RIMS1: variants seen among roughly 807,000 people sequenced by gnomAD.
RIMS1 encodes the protein regulating synaptic membrane exocytosis 1, also known as regulating synaptic membrane exocytosis protein 1.
In RIMS1, 83 loss-of-function variants were observed where a neutral mutation model predicts 214.1. The ratio of observed to expected loss-of-function variants is 0.39; its 90% CI spans 0.32 to 0.47. RIMS1 has a LOEUF of 0.47. Ranked by LOEUF, RIMS1 falls within the 20% of genes least tolerant of loss-of-function variation. RIMS1 has a pLI of 0.99. For missense variants in RIMS1, 2,050 were observed against 2,161.8 expected (o/e 0.95, Z 1.03); for synonymous variants, 793 against 786.8 (o/e 1.01, Z -0.13).
intron 2 of RIMS1, among the ~76,000 whole-genome samples, chr6:71,987,510 A>G (rs534946018): frequency 6.6e-6 from 1 of 152,280 alleles, no homozygotes; most frequent in South Asian, 2.1e-4. Context: ...CCACTTCCCA[A>G]TACCATCCCA....
intron 2 of RIMS1, among the ~76,000 whole-genome samples, chr6:72,004,758 T>C (rs1369952072): frequency 6.6e-6 from 1 of 151,868 alleles, no homozygotes; most frequent in Non-Finnish European, 1.5e-5. Context: ...TCTTTGTAGA[T>C]TCTGGATATT....
intron 29 of RIMS1, among the ~76,000 whole-genome samples, chr6:72,362,174 A>G (rs898423049): frequency 2.6e-5 from 4 of 152,058 alleles, no homozygotes; most frequent in Admixed American, 2.6e-4. Context: ...TTTCATACCA[A>G]TCTTTCCCTA....
intron 29 of RIMS1, among the ~76,000 whole-genome samples, chr6:72,342,101 C>T (rs535704194): frequency 1.1e-4 from 16 of 151,898 alleles, no homozygotes; most frequent in Non-Finnish European, 2.2e-4. Flanking sequence ...TCCTTTCCTT[C>T]AAGACCCTGT....
At chr6:71,989,438 T>C (rs1217805540) in intron 2 of RIMS1, among the ~76,000 whole-genome samples, 2 of 152,168 alleles carry the variant, frequency 1.3e-5, no homozygotes, top group East Asian at 3.9e-4. Context: ...TGGGTGAAGC[T>C]TCACTCACCA....
At chr6:71,949,090 G>A (rs1473127448) in intron 1 of RIMS1, among the ~76,000 whole-genome samples, 2 of 152,128 alleles carry the variant, frequency 1.3e-5, no homozygotes, top group South Asian at 2.1e-4. Context: ...ATACCTTTTT[G>A]TAGTATGAGA....
At chr6:72,111,856 C>T (rs1477460722) in intron 4 of RIMS1, among the ~76,000 whole-genome samples, 4 of 152,096 alleles carry the variant, frequency 2.6e-5, no homozygotes, top group Non-Finnish European at 5.9e-5. Flanking sequence ...TTTCTTTCCC[C>T]ACAGTTGTCC....
At chr6:71,949,259 C>T (rs937843553) in intron 1 of RIMS1, among the ~76,000 whole-genome samples, 2 of 152,114 alleles carry the variant, frequency 1.3e-5, no homozygotes, top group African/African-American at 4.8e-5. Flanking sequence ...TTGGGGACAT[C>T]ACCTCCTAAA....
chr6:71,943,802 A>G (rs891772722), intron 1 of RIMS1, among the ~76,000 whole-genome samples: 1 of 152,206 alleles, frequency 6.6e-6, no homozygotes, highest in Admixed American at 6.5e-5. Flanking sequence ...TTCGAACACT[A>G]AAGTTATGAT....
chr6:72,122,560 C>T (rs528474566), intron 4 of RIMS1, among the ~76,000 whole-genome samples: 4 of 151,728 alleles, frequency 2.6e-5, no homozygotes, highest in African/African-American at 9.7e-5. Context: ...GGTACCAGCT[C>T]CTCTTTGTGC....
Position 71,976,348 on chromosome 6 carries a change from A to C in RIMS1, c.245+7285A>C, listed in dbSNP as rs1428548460. ...TCATGGGCTTATTGGCTATTTCTAT[A>C]TCTTCTTTGGAGAAATATCTATCAA... On this transcript the variant is annotated intron_variant, in intron 2 of 33. Coordinates refer to ENST00000521978, the MANE Select transcript of RIMS1 (RefSeq NM_014989.7). 2.6e-5 allele frequency among the ~76,000 whole-genome samples: 4 copies of C among 152,090 alleles called. No homozygotes were observed. In the East Asian group the frequency reaches 7.7e-4, roughly 29 times the overall value.
At position 72,182,290 on chromosome 6, in the gene RIMS1, G is replaced by T; in HGVS notation, c.819G>T (p.Lys273Asn). 6.4e-7 allele frequency: 1 copy of T among 1,568,122 alleles called. No homozygotes were observed. The highest frequency in any genetic ancestry group is 1.8e-4 in the Middle Eastern group (1 of 5,694). ...GTTCCTTTGTATATCATAGAAAGAA[G>T]ACCCCAGGGCTTTCCGAGCAGAATG... ...SRSEPPRERK[K>N]TPGLSEQNGK... The change falls in exon 6 of 34, where the codon AAG becomes AAT. Residue 273 changes from lysine to asparagine, a missense_variant. By Grantham distance (94) the Lys-to-Asn change is moderately conservative. Around this residue, in one of 6 missense-constraint regions of RIMS1, gnomAD observed 882 missense variants for 828.9 expected, o/e 1.06. Coordinates refer to ENST00000521978, the MANE Select transcript of RIMS1 (RefSeq NM_014989.7).
At chr6:72,293,880 G>C (rs1449948088) in intron 26 of RIMS1, among the ~76,000 whole-genome samples, 4 of 151,686 alleles carry the variant, frequency 2.6e-5, no homozygotes, top group African/African-American at 9.7e-5. Context: ...GGGAAGAAGG[G>C]AATGACTACA....
intron 1 of RIMS1, among the ~76,000 whole-genome samples, chr6:71,900,677 C>T (rs1297295069): frequency 1.3e-5 from 2 of 151,984 alleles, no homozygotes; most frequent in East Asian, 1.9e-4. Context: ...ACTTGTGCCA[C>T]CAAGTTTTGG....
chr6:72,068,657 C>T (rs1420847893), intron 2 of RIMS1, among the ~76,000 whole-genome samples: 1 of 152,178 alleles, frequency 6.6e-6, no homozygotes, highest in Non-Finnish European at 1.5e-5. Flanking sequence ...GGCGTGGTGG[C>T]TCATGCCTGT....
At position 72,251,007 on chromosome 6, in the gene RIMS1, G is replaced by A. The variant is rs121918302; in HGVS notation, c.2459G>A (p.Arg820His). 1.3e-4 allele frequency: 211 copies of A among 1,568,210 alleles called. No individual in the cohort carries two copies. The highest frequency in any genetic ancestry group is 1.8e-4 in the Non-Finnish European group (204 of 1,155,438). ...NQTFVYSHVH[R>H]RDFRERMLEI... is the part of the protein sequence containing the mutation. ...ACTTTTGTCTATTCACATGTACATC[G>A]TAGAGATTTTAGAGAACGAATGTTA... The change falls in exon 14 of 34, where the codon CGT (arginine) becomes CAT (histidine). Residue 820 changes from arginine to histidine, a missense_variant. By Grantham distance (29) the Arg-to-His change is conservative. This residue lies in a region of RIMS1 where 889 missense variants were observed against 885.5 expected (regional missense o/e 1.00). Coordinates refer to ENST00000521978, the MANE Select transcript of RIMS1 (RefSeq NM_014989.7).
At chr6:72,351,144 G>A (rs1256821487) in intron 29 of RIMS1, among the ~76,000 whole-genome samples, 1 of 150,860 alleles carries the variant, frequency 6.6e-6, no homozygotes, top group Non-Finnish European at 1.5e-5. Context: ...ATATCATATT[G>A]CATTTATCTT....
At chr6:72,256,331 A>G (rs1471686205) in intron 16 of RIMS1, among the ~76,000 whole-genome samples, 1 of 152,108 alleles carries the variant, frequency 6.6e-6, no homozygotes, top group Non-Finnish European at 1.5e-5. Flanking sequence ...TGAATTCAGA[A>G]CTTTCTAAGT....
intron 2 of RIMS1, among the ~76,000 whole-genome samples, chr6:72,080,522 T>C (rs1191161507): frequency 6.6e-6 from 1 of 152,168 alleles, no homozygotes; most frequent in Non-Finnish European, 1.5e-5. Context: ...CGTATGAAAA[T>C]GTAAGTCCAG....
chr6:71,969,020 A>C lies in RIMS1; in HGVS notation c.202A>C (p.Lys68Gln). The C allele has an allele frequency of 6.2e-7, 1 of 1,614,020 alleles. No individual in the cohort carries two copies. Residue 68 changes from lysine to glutamine, a missense_variant, in exon 2 of 34, where the codon AAA (lysine) becomes CAA (glutamine). Physicochemically the swap from Lys to Gln is moderately conservative, Grantham distance 53. Transcript: ENST00000521978. ...GGACATGGCGAAGCCTGCTGCCTGC[A>C]AAACACCAAGAAATGCTGAAAACCA... ...VRDMAKPAACKTPRNAENQPH... is the reference protein window; with the variant it reads ...VRDMAKPAACQTPRNAENQPH...
Sources: gnomAD v4.1 joint callset for allele counts (sites outside exome capture counted in the v4.1 genomes callset) on GRCh38, gnomAD v4.1.1 for gene constraint, gnomAD v4.1.1 regional missense constraint, MANE v1.5 for transcripts, NCBI Gene and HGNC (gene_info 2026-07-23, HGNC 2026-07-21) for gene names.